Variants in MAP3K20 observed in about 807,000 individuals in gnomAD.
MAP3K20 encodes mitogen-activated protein kinase kinase kinase 20, also known as HCCS-4.
MAP3K20 carries 40 observed loss-of-function variants against 85.7 expected under a neutral mutation model. That is an observed-to-expected ratio of 0.47 (90% CI 0.36 to 0.61). The LOEUF is 0.61. Among genes scored for constraint, MAP3K20 ranks in the 20% least tolerant of loss-of-function variants. The pLI is 0.00. For synonymous variants in MAP3K20, 325 were observed against 327.7 expected, an observed-to-expected ratio of 0.99 and a Z score of 0.09; for missense variants, 817 against 961.7, an observed-to-expected ratio of 0.85 and a Z score of 1.99.
At chr2:173,148,083 T>G (rs1689187551) in intron 2 of MAP3K20, among the ~76,000 whole-genome samples, 1 of 152,160 alleles carries the variant, frequency 6.6e-6, no homozygotes. Flanking sequence ...TTCTGGATTT[T>G]TGTTAGTATG....
At position 173,101,083 on chromosome 2, in the gene MAP3K20, G is replaced by C. The variant is rs187111014; in HGVS notation, c.159+9893G>C. Reference sequence around the variant, plus strand: ...TCTGAAGATAACTCAAACCTTAGGAGAGAGGTCACTGAGGAAGAGCCACCA... The same window carrying C: ...TCTGAAGATAACTCAAACCTTAGGACAGAGGTCACTGAGGAAGAGCCACCA... On this transcript the variant is annotated intron_variant, in intron 2 of 19. Coordinates refer to ENST00000375213, the MANE Select transcript of MAP3K20 (RefSeq NM_016653.3). Among the ~76,000 whole-genome samples, 478 of 152,324 alleles carry C rather than the reference G, an allele frequency of 3.1e-3. 2 individuals are homozygous for C. Among genetic ancestry groups the C allele is most frequent in the Middle Eastern group, 0.01 (3 of 294 alleles).
chr2:173,221,608 A>G (rs1684253646), intron 11 of MAP3K20: 2 of 1,382,180 alleles, frequency 1.4e-6, no homozygotes, highest in African/African-American at 1.4e-5. Flanking sequence ...CTGTACAAAA[A>G]CAGTAAGGAG....
chr2:173,245,885 C>T (rs1046930336), intron 16 of MAP3K20, among the ~76,000 whole-genome samples: 7 of 152,158 alleles, frequency 4.6e-5, no homozygotes, highest in Admixed American at 1.3e-4. Context: ...GAGCCAGGAT[C>T]GCACCACTGC....
At chr2:173,261,639 CATTT>C (rs1452723226) in intron 18 of MAP3K20, among the ~76,000 whole-genome samples, 2 of 152,176 alleles carry the variant, frequency 1.3e-5, no homozygotes, top group African/African-American at 4.8e-5. Context: ...ATTCAAGAAA[CATTT>C]ATTAAGGATC....
At chr2:173,115,707 G>A (rs1181173381) in intron 2 of MAP3K20, among the ~76,000 whole-genome samples, 1 of 152,200 alleles carries the variant, frequency 6.6e-6, no homozygotes, top group East Asian at 1.9e-4. Context: ...CACTCAGCAA[G>A]TCTACCAGGC....
intron 16 of MAP3K20, among the ~76,000 whole-genome samples, chr2:173,250,819 A>T (rs1040937387): frequency 1.3e-5 from 2 of 151,252 alleles, no homozygotes; most frequent in Non-Finnish European, 3.0e-5. Context: ...CTTTTTGGTT[A>T]AAAAAAAACA....
At chr2:173,257,678 A>G (rs973885206) in intron 16 of MAP3K20, among the ~76,000 whole-genome samples, 1 of 152,170 alleles carries the variant, frequency 6.6e-6, no homozygotes, top group African/African-American at 2.4e-5. Flanking sequence ...TAGGAGTAGA[A>G]TTTCTGGGTC....
At chr2:173,221,977 T>G (rs1262657501) in intron 11 of MAP3K20, 2 of 986,276 alleles carry the variant, frequency 2.0e-6, no homozygotes, top group African/African-American at 3.5e-5. Context: ...TTTTTTCTTA[T>G]AGCAATACAC....
Position 173,232,354 on chromosome 2 carries a change from C to G in MAP3K20, c.1098C>G (p.Ser366Arg). 2 of 1,614,200 alleles carry G rather than the reference C, an allele frequency of 1.2e-6. No individual in the cohort carries two copies. Among genetic ancestry groups the G allele is most frequent in the Non-Finnish European group, 1.7e-6 (2 of 1,180,030 alleles). Reference protein sequence around the residue: ...DSSAEMSVYASLFKENNITGK... With the variant: ...DSSAEMSVYARLFKENNITGK... Reference sequence around the variant, plus strand: ...CAGCAGAGATGAGTGTATATGCAAGCTTGTTTAAAGAAAACAACATTACAG... The same window carrying G: ...CAGCAGAGATGAGTGTATATGCAAGGTTGTTTAAAGAAAACAACATTACAG... Residue 366 changes from serine to arginine, a missense_variant, in exon 14 of 20, where the codon AGC (serine) becomes AGG (arginine). By Grantham distance (110) the Ser-to-Arg change is moderately radical (BLOSUM62 -1). Coordinates refer to ENST00000375213, the MANE Select transcript of MAP3K20 (RefSeq NM_016653.3).
intron 7 of MAP3K20, among the ~76,000 whole-genome samples, chr2:173,194,537 G>T (rs1690762744): frequency 6.6e-6 from 1 of 152,090 alleles, no homozygotes; most frequent in African/African-American, 2.4e-5. Context: ...AGTTTTAGAA[G>T]TTTGTGGTCC....
intron 2 of MAP3K20, among the ~76,000 whole-genome samples, chr2:173,159,520 G>T (rs1689585487): frequency 6.6e-6 from 1 of 151,842 alleles, no homozygotes; most frequent in Non-Finnish European, 1.5e-5. Context: ...CTCCTGAGTA[G>T]CTGGGACTAC....
intron 2 of MAP3K20, 124 bp from the exon 3 acceptor site, chr2:173,169,681 C>A: frequency 2.3e-6 from 2 of 885,842 alleles, no homozygotes; most frequent in Non-Finnish European, 3.4e-6. Context: ...GATCACACCA[C>A]TGTACTCTAG....
intron 2 of MAP3K20, among the ~76,000 whole-genome samples, chr2:173,129,998 A>C (rs1275696346): frequency 6.6e-6 from 1 of 152,298 alleles, no homozygotes; most frequent in Middle Eastern, 3.4e-3. Context: ...TGTTTAAGGA[A>C]CCTCTAAAAT....
chr2:173,192,894 T>G (rs148068113), intron 7 of MAP3K20: 1 of 152,344 alleles, frequency 6.6e-6, no homozygotes, highest in East Asian at 1.9e-4. Flanking sequence ...AAACTTTTTC[T>G]AGAAAGGACC....
At chr2:173,113,263 G>A (rs1688023878) in intron 2 of MAP3K20, among the ~76,000 whole-genome samples, 1 of 152,006 alleles carries the variant, frequency 6.6e-6, no homozygotes, top group Non-Finnish European at 1.5e-5. Context: ...TCTTAGTGGG[G>A]TTATTTGGAT....
intron 5 of MAP3K20, among the ~76,000 whole-genome samples, chr2:173,189,655 A>G (rs1690591556): frequency 6.6e-6 from 1 of 152,168 alleles, no homozygotes; most frequent in Non-Finnish European, 1.5e-5. Context: ...TCATCCCTGC[A>G]TTTCTTTTAC....
chr2:173,237,019 CTTT>C (rs368196400), intron 14 of MAP3K20, among the ~76,000 whole-genome samples: 5 of 75,582 alleles, frequency 6.6e-5, no homozygotes, highest in Admixed American at 1.9e-4. Flanking sequence ...GTATATCCAC[CTTT>C]TTTTTTTTTT....
At chr2:173,225,240 G>A in intron 11 of MAP3K20, 2 of 624,816 alleles carry the variant, frequency 3.2e-6, no homozygotes, top group Non-Finnish European at 2.0e-6. Flanking sequence ...GGCATTTGCT[G>A]CCCAGTGCCA....
intron 16 of MAP3K20, among the ~76,000 whole-genome samples, chr2:173,249,539 G>A (rs748378231): frequency 6.6e-6 from 1 of 152,054 alleles, no homozygotes; most frequent in Non-Finnish European, 1.5e-5. Flanking sequence ...TGGGGTGGGA[G>A]GAGAAGAACC....
Sources: gnomAD v4.1 joint callset for allele counts (sites outside exome capture counted in the v4.1 genomes callset) on GRCh38, gnomAD v4.1.1 for gene constraint, MANE v1.5 for transcripts, NCBI Gene and HGNC (gene_info 2026-07-23, HGNC 2026-07-21) for gene names.